RAMP3: variants seen among roughly 807,000 people sequenced by gnomAD.
RAMP3 encodes the protein receptor activity modifying protein 3.
In RAMP3, 14 loss-of-function variants were observed where a neutral mutation model predicts 13.5. That is an observed-to-expected ratio of 1.04 (90% confidence interval 0.69 to 1.63). RAMP3 has a LOEUF of 1.63. Among genes scored for constraint, RAMP3 ranks in the 40% most tolerant of loss-of-function variants. The pLI, the probability that RAMP3 is intolerant of heterozygous loss-of-function variation, is 0.00. For missense variants in RAMP3, 200 were observed against 204.8 expected (o/e 0.98, Z 0.14); for synonymous variants, 106 against 88.3 (o/e 1.20, Z -1.12).
At chr7:45,165,780 G>A (rs1785949043) in intron 1 of RAMP3, among the ~76,000 whole-genome samples, 2 of 152,100 alleles carry the variant, frequency 1.3e-5, no homozygotes, top group South Asian at 4.2e-4. Context: ...AGTGTAAATG[G>A]CATCATATAA....
chr7:45,179,201 G>A (rs1485794781), intron 2 of RAMP3, among the ~76,000 whole-genome samples: 5 of 152,162 alleles, frequency 3.3e-5, no homozygotes, highest in Admixed American at 6.5e-5. Context: ...GTCCAGGAGG[G>A]TGGTCTAGGG....
chr7:45,170,919 A>G (rs1157458560), intron 1 of RAMP3, among the ~76,000 whole-genome samples: 1 of 151,334 alleles, frequency 6.6e-6, no homozygotes, highest in East Asian at 1.9e-4. Context: ...GTGAGTCACC[A>G]TGTCCAGCCT....
chr7:45,158,224 G>A (rs1364106048), intron 1 of RAMP3, among the ~76,000 whole-genome samples: 1 of 152,252 alleles, frequency 6.6e-6, no homozygotes, highest in African/African-American at 2.4e-5. Context: ...AGGTGGACCA[G>A]GTCTGGCTCT....
intron 2 of RAMP3, among the ~76,000 whole-genome samples, chr7:45,180,067 G>A (rs1341942518): frequency 3.3e-5 from 5 of 152,250 alleles, no homozygotes; most frequent in East Asian, 1.9e-4. Flanking sequence ...ACTGTCAGAC[G>A]TGTGGCACCT....
In RAMP3 at chr7:45,183,325, C is replaced by T; in HGVS notation, c.360C>T (p.Ile120=). 6.2e-7 allele frequency: 1 copy of T among 1,614,110 alleles called. No homozygotes were observed. Among genetic ancestry groups the T allele is most frequent in the Non-Finnish European group, 8.5e-7 (1 of 1,180,036 alleles). The change falls in exon 3 of 3, where the codon ATC becomes ATT. Residue 120 remains isoleucine, a synonymous_variant. Coordinates refer to ENST00000242249, the MANE Select transcript of RAMP3 (RefSeq NM_005856.3). Reference sequence around the variant, plus strand: ...AGGACCCCCCAGACGAGGTTCTCATCCCGCTGATCGTTATACCCGTCGTTC... The same window carrying T: ...AGGACCCCCCAGACGAGGTTCTCATTCCGCTGATCGTTATACCCGTCGTTC... ...HLEDPPDEVL[I]PLIVIPVVLT... is the part of the protein sequence containing the mutation.
At chr7:45,182,755 T>C (rs1786341261) in intron 2 of RAMP3, among the ~76,000 whole-genome samples, 1 of 152,108 alleles carries the variant, frequency 6.6e-6, no homozygotes, top group South Asian at 2.1e-4. Context: ...TCTCAGGCTC[T>C]TAGGGTATCC....
chr7:45,169,019 A>G (rs529573037), intron 1 of RAMP3, among the ~76,000 whole-genome samples: 2 of 152,308 alleles, frequency 1.3e-5, no homozygotes, highest in African/African-American at 4.8e-5. Context: ...CTTTTTCTGC[A>G]TCAATTGAGA....
chr7:45,166,958 C>CTTTTTTTTTTTTTTTTTT (rs202162694), intron 1 of RAMP3, among the ~76,000 whole-genome samples: 14 of 101,238 alleles, frequency 1.4e-4, no homozygotes, highest in African/African-American at 2.3e-4. Context: ...GTCTTTGATG[C>CTTTTTTTTTTTTTTTTTT]TTTTTTTTTT....
intron 2 of RAMP3, among the ~76,000 whole-genome samples, chr7:45,178,096 T>TGGAGA (rs1786230683): frequency 6.6e-6 from 1 of 152,036 alleles, no homozygotes; most frequent in Non-Finnish European, 1.5e-5. Flanking sequence ...GTGCTCCACC[T>TGGAGA]CTCCTTACAG....
chr7:45,159,067 A>G (rs1785816295), intron 1 of RAMP3, among the ~76,000 whole-genome samples: 1 of 152,238 alleles, frequency 6.6e-6, no homozygotes, highest in South Asian at 2.1e-4. Context: ...GATCATCTCC[A>G]GTATCAAATT....
intron 1 of RAMP3, 44 bp from the exon 2 acceptor site, chr7:45,177,265 C>A (rs1003131414): frequency 6.2e-7 from 1 of 1,611,934 alleles, no homozygotes; most frequent in Admixed American, 1.7e-5. Context: ...CTGGCATCCC[C>A]AGTGTGAACT....
chr7:45,166,132 A>G (rs1785956625), intron 1 of RAMP3, among the ~76,000 whole-genome samples: 1 of 151,596 alleles, frequency 6.6e-6, no homozygotes, highest in Admixed American at 6.6e-5. Flanking sequence ...TCCAATCAGC[A>G]GTAGTATATA....
intron 1 of RAMP3, among the ~76,000 whole-genome samples, chr7:45,158,926 T>C (rs1785814259): frequency 6.6e-6 from 1 of 152,232 alleles, no homozygotes; most frequent in African/African-American, 2.4e-5. Context: ...GATGGCAGCT[T>C]CTGAAATCAG....
At chr7:45,180,901 A>C (rs907654633) in intron 2 of RAMP3, among the ~76,000 whole-genome samples, 6 of 152,216 alleles carry the variant, frequency 3.9e-5, no homozygotes, top group African/African-American at 1.4e-4. Flanking sequence ...TGAATAAATC[A>C]TAAGTAGTTC....
intron 1 of RAMP3, among the ~76,000 whole-genome samples, chr7:45,166,817 C>A (rs1785970942): frequency 6.6e-6 from 1 of 152,016 alleles, no homozygotes; most frequent in Admixed American, 6.6e-5. Context: ...GCTTTGTTGC[C>A]CAGACTGGAG....
chr7:45,164,221 C>G (rs1017821042), intron 1 of RAMP3, among the ~76,000 whole-genome samples: 2 of 152,202 alleles, frequency 1.3e-5, no homozygotes, highest in Non-Finnish European at 2.9e-5. Flanking sequence ...TGATTTTTAT[C>G]TACTTGTTCT....
In RAMP3 at chr7:45,178,511, G is replaced by A. The variant is rs147493251; in HGVS notation, c.191+1070G>A. On this transcript the variant is annotated intron_variant, in intron 2 of 2. Transcript: ENST00000242249. ...CTCCCCGGCCCTGGCCATTCTAGTG[G>A]CCCAGCAGATGGGGGCTTCTTGAGG... Among the ~76,000 whole-genome samples, 500 of 152,372 alleles carry A rather than the reference G, an allele frequency of 3.3e-3. 4 individuals carry two copies. The highest frequency in any genetic ancestry group is 0.031 in the Admixed American group (473 of 15,304).
chr7:45,176,468 A>C (rs994723240), intron 1 of RAMP3, among the ~76,000 whole-genome samples: 1 of 152,046 alleles, frequency 6.6e-6, no homozygotes, highest in African/African-American at 2.4e-5. Flanking sequence ...CACCCGAGAC[A>C]CATATGCCTG....
chr7:45,163,227 C>T, intron 1 of RAMP3: 1 of 985,364 alleles, frequency 1.0e-6, no homozygotes, highest in Non-Finnish European at 1.2e-6. Flanking sequence ...TGGTGGCTGC[C>T]CTGAAAGATG....
Sources: allele counts gnomAD v4.1 joint callset (sites outside exome capture counted in the v4.1 genomes callset), GRCh38; gene constraint gnomAD v4.1.1; transcripts MANE v1.5; gene names NCBI Gene and HGNC (gene_info 2026-07-23, HGNC 2026-07-21).